Variants in PROS1 observed in about 807,000 individuals in gnomAD.
The protein encoded by PROS1 is vitamin K-dependent protein S.
A neutral mutation model predicts 75.9 loss-of-function variants in PROS1; 29 were observed. That is an observed-to-expected ratio of 0.38 (90% CI 0.28 to 0.52). The LOEUF (loss-of-function observed/expected upper bound fraction) is 0.52, where lower values mean the gene tolerates loss of function less well. Ranked by LOEUF, PROS1 falls within the 20% of genes least tolerant of loss-of-function variation. The pLI, the probability that PROS1 is intolerant of heterozygous loss-of-function variation, is 0.83. For synonymous variants in PROS1, 245 were observed against 280.6 expected, an observed-to-expected ratio of 0.87 and a Z score of 1.27; for missense variants, 680 against 810.3, an observed-to-expected ratio of 0.84 and a Z score of 1.95.
At chr3:93,901,507 T>C (rs2107163097) in intron 6 of PROS1, among the ~76,000 whole-genome samples, 1 of 152,296 alleles carries the variant, frequency 6.6e-6, no homozygotes, top group South Asian at 2.1e-4. Flanking sequence ...GGAGATAACA[T>C]ATTGTTAGCA....
chr3:93,960,987 GA>G lies in PROS1; in HGVS notation c.76+12686del, dbSNP rs576044037. 2.9e-3 allele frequency among the ~76,000 whole-genome samples: 412 copies of G among 143,192 alleles called. 2 individuals are homozygous for G. Among genetic ancestry groups the G allele is most frequent in the African/African-American group, 9.6e-3 (373 of 39,024 alleles). The allele number at this position is 143,192 out of a possible 152,430, so 93.9% of individuals were successfully genotyped here. ...TTAAATATTAGAGACTAGCTATTGA[GA>G]AAAAAAAAACACTTTTCTAAATTAT... On this transcript the variant is annotated intron_variant, in intron 1 of 14. Transcript: ENST00000394236.
At chr3:93,906,720 G>A (rs1198124067) in intron 4 of PROS1, among the ~76,000 whole-genome samples, 2 of 152,234 alleles carry the variant, frequency 1.3e-5, no homozygotes, top group Admixed American at 6.5e-5. Flanking sequence ...CTGTACTCTT[G>A]AGGGCCTGGG....
intron 12 of PROS1, among the ~76,000 whole-genome samples, chr3:93,882,728 C>T (rs779974096): frequency 2.0e-5 from 3 of 152,154 alleles, no homozygotes; most frequent in Non-Finnish European, 4.4e-5. Flanking sequence ...TTCACAGGCT[C>T]TTCTCCACAG....
intron 1 of PROS1, among the ~76,000 whole-genome samples, chr3:93,959,494 C>T (rs887539306): frequency 2.0e-5 from 3 of 152,156 alleles, no homozygotes; most frequent in African/African-American, 7.2e-5. Context: ...GACATTTCCT[C>T]TTCTCTTGCC....
chr3:93,971,131 C>G (rs1373469847), intron 1 of PROS1, among the ~76,000 whole-genome samples: 1 of 151,944 alleles, frequency 6.6e-6, no homozygotes, highest in Non-Finnish European at 1.5e-5. Flanking sequence ...CACTGGAGGT[C>G]AGGAGTTCAA....
intron 1 of PROS1, among the ~76,000 whole-genome samples, chr3:93,961,300 C>A (rs1362345455): frequency 2.0e-5 from 3 of 152,170 alleles, no homozygotes; most frequent in Admixed American, 6.5e-5. Context: ...AGATTTTGAG[C>A]TTTGCATGCC....
intron 1 of PROS1, among the ~76,000 whole-genome samples, chr3:93,959,855 A>G (rs1709674224): frequency 1.3e-5 from 2 of 152,338 alleles, no homozygotes; most frequent in African/African-American, 2.4e-5. Context: ...AGCTGTTACC[A>G]TATTTTTTCG....
intron 1 of PROS1, among the ~76,000 whole-genome samples, chr3:93,945,159 A>C (rs545734947): frequency 4.6e-5 from 7 of 152,308 alleles, no homozygotes; most frequent in African/African-American, 1.4e-4. Flanking sequence ...TTAAGACAAT[A>C]GTTAAGAGCC....
At chr3:93,953,480 A>T (rs1709540001) in intron 1 of PROS1, among the ~76,000 whole-genome samples, 1 of 152,192 alleles carries the variant, frequency 6.6e-6, no homozygotes, top group South Asian at 2.1e-4. Flanking sequence ...GACAAAAACC[A>T]CGATTATATC....
At chr3:93,898,404 A>G in intron 8 of PROS1, 44 bp downstream of exon 8, 8 of 1,607,282 alleles carry the variant, frequency 5.0e-6, no homozygotes, top group Non-Finnish European at 6.0e-6. Flanking sequence ...AGGATCTCTC[A>G]TTTTAGAAAA....
chr3:93,888,092 T>C (rs1278204122), intron 10 of PROS1, among the ~76,000 whole-genome samples: 1 of 152,222 alleles, frequency 6.6e-6, no homozygotes, highest in Non-Finnish European at 1.5e-5. Flanking sequence ...TGTGCATACA[T>C]AGACACAAAA....
At chr3:93,928,932 A>C (rs1709066401) in intron 1 of PROS1, 1 of 307,898 alleles carries the variant, frequency 3.2e-6, no homozygotes, top group Non-Finnish European at 6.5e-6. Flanking sequence ...AAAACTTTAA[A>C]AGAATGATAA....
chr3:93,877,086 G>T lies in PROS1; in HGVS notation c.1750C>A (p.Leu584Met), dbSNP rs773471178. The T allele has an allele frequency of 4.3e-6, 7 of 1,612,948 alleles. No individual in the cohort carries two copies. The Admixed American group carries it at 1.2e-4, about 27-fold the overall frequency. The stretch of plus-strand genomic sequence containing the variant: ...ATTTTAAGTGGTGTCGACAACTCCA[G>T]ATTGTTTCTGTTGACTCTAAATTCC... ...HLEFRVNRNN[L>M]ELSTPLKIET... Residue 584 changes from leucine to methionine, a missense_variant, in exon 14 of 15, where the codon CTG becomes ATG. Coordinates refer to ENST00000394236, the MANE Select transcript of PROS1 (RefSeq NM_000313.4).
At chr3:93,878,504 G>T (rs1708225156) in intron 13 of PROS1, among the ~76,000 whole-genome samples, 1 of 152,188 alleles carries the variant, frequency 6.6e-6, no homozygotes. Flanking sequence ...GCTGTAACTT[G>T]TTAGAATGCA....
intron 10 of PROS1, among the ~76,000 whole-genome samples, chr3:93,889,520 T>A (rs944670148): frequency 6.6e-6 from 1 of 152,214 alleles, no homozygotes; most frequent in Admixed American, 6.5e-5. Flanking sequence ...TAATGTAATG[T>A]ATTTCATGTT....
chr3:93,969,880 T>C (rs114693427), intron 1 of PROS1, among the ~76,000 whole-genome samples: 1 of 152,342 alleles, frequency 6.6e-6, no homozygotes, highest in African/African-American at 2.4e-5. Flanking sequence ...TAAGTATGTA[T>C]ATAGATCGCT....
rs1050988100 is a variant in PROS1, at chr3:93,910,472, A to G, written c.346+147T>C. On this transcript the variant is annotated intron_variant, in intron 4 of 14. Transcript: ENST00000394236. The stretch of plus-strand genomic sequence containing the variant: ...TTACAACTATAAACAAGTATTAGAA[A>G]TGCAGTTTGAAAATACTTCCTTGCT... The G allele has an allele frequency of 4.2e-6, 3 of 722,254 alleles. No individual in the cohort carries two copies. In the African/African-American group the frequency reaches 5.3e-5, roughly 13 times the overall value. The allele number at this position is 722,254 out of a possible 1,614,324, so 44.7% of individuals were successfully genotyped here.
At chr3:93,917,273 T>G (rs1462797360) in intron 3 of PROS1, among the ~76,000 whole-genome samples, 6 of 123,402 alleles carry the variant, frequency 4.9e-5, no homozygotes, top group Non-Finnish European at 9.4e-5. Context: ...GTTTTTGTTT[T>G]TTTGTTTGTT....
rs375245889 is a variant in PROS1 at position 93,893,044 on chromosome 3, C to T, written c.1044G>A (p.Ala348=). The T allele has an allele frequency of 6.5e-5, 105 of 1,613,838 alleles. No individual in the cohort carries two copies. Among genetic ancestry groups the T allele is most frequent in the Middle Eastern group, 3.3e-4 (2 of 6,036 alleles). Residue 348 remains alanine (A), a synonymous_variant, in exon 10 of 15, where the codon GCG becomes GCA. Coordinates refer to ENST00000394236, the MANE Select transcript of PROS1 (RefSeq NM_000313.4). The part of the protein sequence containing the change: ...ILYAESIDHS[A]WLLIALRGGK... ...CACCACGAAGTGCAATCAGGAGCCA[C>T]GCTGAGTGATCGATAGATTCTGCGT...
Sources: gnomAD v4.1 joint callset for allele counts (sites outside exome capture counted in the v4.1 genomes callset) on GRCh38, gnomAD v4.1.1 for gene constraint, MANE v1.5 for transcripts, NCBI Gene and HGNC (gene_info 2026-07-23, HGNC 2026-07-21) for gene names.